Variants in CSGALNACT1 observed in about 807,000 individuals in gnomAD.
CSGALNACT1 encodes the protein beta4GalNAcT-1.
CSGALNACT1 carries 52 observed loss-of-function variants against 51.0 expected under a neutral mutation model. The observed-to-expected ratio is 1.02, with a 90% CI of 0.82 to 1.29. The LOEUF (loss-of-function observed/expected upper bound fraction) is 1.29, where lower values mean the gene tolerates loss of function less well. CSGALNACT1 is among the 50% of genes most tolerant of loss of function. CSGALNACT1 has a pLI of 0.00. For synonymous variants in CSGALNACT1, 341 were observed against 254.4 expected (o/e 1.34, Z -3.24); for missense variants, 935 against 679.2 (o/e 1.38, Z -4.19).
chr8:19,741,908 C>A (rs769555881), intron 1 of CSGALNACT1, among the ~76,000 whole-genome samples: 3 of 152,066 alleles, frequency 2.0e-5, no homozygotes, highest in African/African-American at 7.2e-5. Context: ...ATCAACAGGC[C>A]GCATAGGAAA....
chr8:19,538,838 C>G (rs1359437273), intron 3 of CSGALNACT1, among the ~76,000 whole-genome samples: 2 of 152,060 alleles, frequency 1.3e-5, no homozygotes, highest in Admixed American at 1.3e-4. Context: ...CCCCCAGACT[C>G]TGTGTCTCCT....
chr8:19,646,637 G>A (rs1017326899), intron 1 of CSGALNACT1, among the ~76,000 whole-genome samples: 6 of 152,102 alleles, frequency 3.9e-5, no homozygotes, highest in African/African-American at 7.2e-5. Flanking sequence ...AGAAAGCCCC[G>A]TCTATGAATC....
chr8:19,590,738 C>T (rs1318720261), intron 3 of CSGALNACT1, among the ~76,000 whole-genome samples: 1 of 146,696 alleles, frequency 6.8e-6, no homozygotes, highest in African/African-American at 2.5e-5. Flanking sequence ...CAACTTCCAC[C>T]TTCTGGGTTC....
chr8:19,730,625 G>C (rs2063639966), intron 1 of CSGALNACT1, among the ~76,000 whole-genome samples: 1 of 152,184 alleles, frequency 6.6e-6, no homozygotes, highest in Non-Finnish European at 1.5e-5. Context: ...GTTGTGTGCA[G>C]AGCTACAGGG....
intron 4 of CSGALNACT1, among the ~76,000 whole-genome samples, chr8:19,467,942 C>A (rs1053455015): frequency 6.6e-6 from 1 of 152,154 alleles, no homozygotes; most frequent in Non-Finnish European, 1.5e-5. Flanking sequence ...GCTGTGATTG[C>A]GCTGCTGCAC....
chr8:19,516,444 T>C (rs1393715381), intron 3 of CSGALNACT1, among the ~76,000 whole-genome samples: 1 of 152,114 alleles, frequency 6.6e-6, no homozygotes, highest in African/African-American at 2.4e-5. Context: ...ATTTTTCTTG[T>C]TTCTGAACTC....
chr8:19,538,316 C>T (rs2084253721), intron 3 of CSGALNACT1, among the ~76,000 whole-genome samples: 1 of 151,952 alleles, frequency 6.6e-6, no homozygotes, highest in South Asian at 2.1e-4. Flanking sequence ...GAGCAAGATC[C>T]TGTCTGAAAA....
At chr8:19,489,414 C>T (rs1295618760) in intron 4 of CSGALNACT1, among the ~76,000 whole-genome samples, 6 of 152,180 alleles carry the variant, frequency 3.9e-5, no homozygotes, top group East Asian at 1.9e-4. Context: ...ACTCATCACT[C>T]GCCAGAGCCA....
intron 4 of CSGALNACT1, among the ~76,000 whole-genome samples, chr8:19,474,026 T>TCTCAAACTGGTACATTGTAC (rs1347955291): frequency 2.6e-5 from 4 of 152,382 alleles, no homozygotes; most frequent in Non-Finnish European, 5.9e-5. Context: ...CATTCATTTA[T>TCTCAAACTGGTACATTGTAC]CTCAAACTGG....
chr8:19,730,854 G>A (rs968204269), intron 1 of CSGALNACT1, among the ~76,000 whole-genome samples: 1 of 152,148 alleles, frequency 6.6e-6, no homozygotes, highest in African/African-American at 2.4e-5. Flanking sequence ...GACTCCAATG[G>A]CCACTGGCCA....
chr8:19,451,661 C>T (rs1367905581), intron 5 of CSGALNACT1, among the ~76,000 whole-genome samples: 2 of 152,318 alleles, frequency 1.3e-5, no homozygotes, highest in South Asian at 2.1e-4. Flanking sequence ...CCGCTTTGTG[C>T]CTTGTGACCA....
At chr8:19,675,397 G>C (rs746728229) in intron 1 of CSGALNACT1, among the ~76,000 whole-genome samples, 1 of 152,164 alleles carries the variant, frequency 6.6e-6, no homozygotes, top group Non-Finnish European at 1.5e-5. Flanking sequence ...AAATCTTACA[G>C]AAATCAAAGA....
intron 1 of CSGALNACT1, among the ~76,000 whole-genome samples, chr8:19,633,312 C>A (rs1444395378): frequency 6.6e-6 from 1 of 151,968 alleles, no homozygotes; most frequent in Admixed American, 6.6e-5. Context: ...CCTTTCTTAC[C>A]CTACTGCTTG....
intron 1 of CSGALNACT1, among the ~76,000 whole-genome samples, chr8:19,714,058 CCTT>C (rs888877276): frequency 6.6e-5 from 10 of 152,170 alleles, no homozygotes; most frequent in South Asian, 4.1e-4. Context: ...CCAGCTTCAC[CCTT>C]CTTCTTTTGA....
At chr8:19,753,492 G>T (rs1429656909) in intron 1 of CSGALNACT1, among the ~76,000 whole-genome samples, 1 of 152,086 alleles carries the variant, frequency 6.6e-6, no homozygotes, top group Non-Finnish European at 1.5e-5. Context: ...ACCTACAATG[G>T]GCTAAACTTT....
At chr8:19,731,113 T>C (rs2063668925) in intron 1 of CSGALNACT1, among the ~76,000 whole-genome samples, 1 of 152,142 alleles carries the variant, frequency 6.6e-6, no homozygotes, top group African/African-American at 2.4e-5. Flanking sequence ...TGACATATCA[T>C]CTTACAACCT....
intron 5 of CSGALNACT1, chr8:19,457,616 A>G (rs1237515466): frequency 8.0e-7 from 1 of 1,249,126 alleles, no homozygotes. Context: ...CCATCTCAAA[A>G]AAAAAGAAAT....
chr8:19,638,657 G>C (rs1367682348), intron 1 of CSGALNACT1, among the ~76,000 whole-genome samples: 2 of 152,068 alleles, frequency 1.3e-5, no homozygotes, highest in African/African-American at 2.4e-5. Context: ...AGTTCTATGA[G>C]ATCTTTGAAA....
chr8:19,551,227 C>A (rs1205655479), intron 3 of CSGALNACT1, among the ~76,000 whole-genome samples: 1 of 152,220 alleles, frequency 6.6e-6, no homozygotes, highest in African/African-American at 2.4e-5. Flanking sequence ...ACCAACATGG[C>A]AGACAGCAGT....
Sources: gnomAD v4.1 joint callset for allele counts (sites outside exome capture counted in the v4.1 genomes callset) on GRCh38, gnomAD v4.1.1 for gene constraint, MANE v1.5 for transcripts, NCBI Gene and HGNC (gene_info 2026-07-23, HGNC 2026-07-21) for gene names.